TRAPPC11: variants seen among roughly 807,000 people sequenced by gnomAD.
TRAPPC11 encodes foie gras homolog.
Under a neutral mutation model 151.2 loss-of-function variants are expected in TRAPPC11, and 104 were observed. The ratio of observed to expected loss-of-function variants is 0.69; its 90% CI spans 0.59 to 0.81. TRAPPC11 has a LOEUF of 0.81. TRAPPC11 is among the 30% of genes least tolerant of loss of function. TRAPPC11 has a pLI of 0.00. For missense variants in TRAPPC11, 1,230 were observed against 1,349.6 expected (o/e 0.91, Z 1.39); for synonymous variants, 456 against 472.3 (o/e 0.97, Z 0.45).
rs554096853 is a variant in TRAPPC11 at position 183,701,646 on chromosome 4, CT to C, written c.2852-47del. ...TCTGTTACTTGGATGTGAAACTCTC[CT>C]TTTGTAGATGAAACCATTGCATAAG... On this transcript the variant is annotated intron_variant, in intron 25 of 29. Coordinates refer to ENST00000334690, the MANE Select transcript of TRAPPC11 (RefSeq NM_021942.6). 2.1e-4 allele frequency: 268 copies of C among 1,284,692 alleles called. No individual in the cohort carries two copies. In the African/African-American group the frequency reaches 2.2e-3, roughly 10 times the overall value. The allele number at this position is 1,284,692 out of a possible 1,614,324, so 79.6% of individuals were successfully genotyped here.
chr4:183,694,841 A>G lies in TRAPPC11; in HGVS notation c.2628+118A>G, dbSNP rs1399726480. On this transcript the variant is annotated intron_variant, in intron 23 of 29. Transcript: ENST00000334690. ...GCAGTTTAGGTGCTTATAGTCTGTT[A>G]TAAATTTTAATTAAACTTTTTAAAA... 5 of 1,012,882 alleles carry G rather than the reference A, an allele frequency of 4.9e-6. No homozygotes were observed. In the South Asian group the frequency reaches 5.3e-5, roughly 11 times the overall value. 62.7% of individuals were successfully genotyped at this position (1,012,882 alleles called of 1,614,324 possible). A position where few individuals can be genotyped will look rare whatever the true frequency, so the allele number is the denominator to read the frequency against.
chr4:183,709,665 C>T (rs1244784147), intron 29 of TRAPPC11, among the ~76,000 whole-genome samples: 1 of 152,100 alleles, frequency 6.6e-6, no homozygotes, highest in Non-Finnish European at 1.5e-5. Context: ...GTTCCAGCTA[C>T]TTGGGAGGCT....
chr4:183,711,832 T>C (rs1737354959), intron 29 of TRAPPC11, among the ~76,000 whole-genome samples: 1 of 152,262 alleles, frequency 6.6e-6, no homozygotes, highest in Non-Finnish European at 1.5e-5. Flanking sequence ...AGGTCTGCTA[T>C]TGTATATCTG....
chr4:183,706,516 CCG>C, intron 27 of TRAPPC11, among the ~76,000 whole-genome samples: 1 of 148,488 alleles, frequency 6.7e-6, no homozygotes, highest in South Asian at 2.1e-4. Flanking sequence ...GAGCGAGACT[CCG>C]CCTCAAAAAA....
chr4:183,705,338 C>T (rs1359744530), intron 27 of TRAPPC11, among the ~76,000 whole-genome samples: 1 of 152,100 alleles, frequency 6.6e-6, no homozygotes, highest in Non-Finnish European at 1.5e-5. Context: ...ATTACAGTAC[C>T]ATTATCACCT....
chr4:183,709,988 T>A (rs1237870471), intron 29 of TRAPPC11, among the ~76,000 whole-genome samples: 1 of 152,188 alleles, frequency 6.6e-6, no homozygotes. Context: ...TCCCTTTAGC[T>A]GTTAGACTTT....
chr4:183,670,878 C>G (rs187552560), intron 5 of TRAPPC11, among the ~76,000 whole-genome samples: 1 of 152,310 alleles, frequency 6.6e-6, no homozygotes, highest in African/African-American at 2.4e-5. Context: ...CTCTGCCCCC[C>G]AGATTCAAGT....
chr4:183,661,017 AC>A (rs1734479955), intron 1 of TRAPPC11, among the ~76,000 whole-genome samples: 1 of 151,886 alleles, frequency 6.6e-6, no homozygotes, highest in South Asian at 2.1e-4. Flanking sequence ...CAGCCTGGTC[AC>A]CCCTTTTTAA....
rs749093942 is a variant in TRAPPC11, at chr4:183,667,137, G to C, written c.445+7G>C. 5.6e-6 allele frequency: 9 copies of C among 1,599,240 alleles called. No homozygotes were observed. The highest frequency in any genetic ancestry group is 6.0e-6 in the Non-Finnish European group (7 of 1,169,728). On this transcript the variant is annotated splice_region_variant and intron_variant, in intron 4 of 29. Coordinates refer to ENST00000334690, the MANE Select transcript of TRAPPC11 (RefSeq NM_021942.6). Reference sequence around the variant, plus strand: ...AAAACCCCTTTGCCCCCAGGTATCAGAAGTCTAATTAATGAATTAATTGTT... The same window carrying C: ...AAAACCCCTTTGCCCCCAGGTATCACAAGTCTAATTAATGAATTAATTGTT...
At chr4:183,697,962 C>T (rs949414669) in intron 25 of TRAPPC11, 127 bp downstream of exon 25, 3 of 786,070 alleles carry the variant, frequency 3.8e-6, no homozygotes, top group East Asian at 2.7e-5. Context: ...GACCTGCACT[C>T]GTGAAAGCAA....
chr4:183,665,275 T>C (rs1331640939), intron 2 of TRAPPC11, among the ~76,000 whole-genome samples: 1 of 151,890 alleles, frequency 6.6e-6, no homozygotes, highest in Non-Finnish European at 1.5e-5. Flanking sequence ...TCTGTATTTT[T>C]AGTAGAGACG....
intron 23 of TRAPPC11, 116 bp from the exon 24 acceptor site, chr4:183,697,387 T>G: frequency 1.1e-6 from 1 of 944,796 alleles, no homozygotes; most frequent in South Asian, 1.6e-5. Flanking sequence ...AGGCCTTTAC[T>G]TCTTAGTATG....
chr4:183,710,064 C>T (rs1014990044), intron 29 of TRAPPC11, among the ~76,000 whole-genome samples: 5 of 152,118 alleles, frequency 3.3e-5, no homozygotes, highest in African/African-American at 1.2e-4. Flanking sequence ...TAGACTTGAT[C>T]ATATTCTAGC....
chr4:183,675,895 C>T (rs1354652687), intron 7 of TRAPPC11, among the ~76,000 whole-genome samples: 3 of 152,108 alleles, frequency 2.0e-5, no homozygotes, highest in African/African-American at 4.8e-5. Context: ...TTTGCTTTTA[C>T]GAAGCAGAAT....
intron 5 of TRAPPC11, among the ~76,000 whole-genome samples, chr4:183,669,762 C>G (rs1267289635): frequency 6.6e-6 from 1 of 152,124 alleles, no homozygotes; most frequent in Non-Finnish European, 1.5e-5. Context: ...ATTACCTGGC[C>G]GAAATGTCAG....
chr4:183,686,685 T>A lies in TRAPPC11; in HGVS notation c.1830T>A (p.Tyr610Ter). Residue 610 changes from tyrosine (Y) to a stop codon, truncating the protein, a stop_gained, in exon 18 of 30, where the codon TAT becomes TAA. Transcript: ENST00000334690. LOFTEE classifies it high-confidence loss of function. ...HVDVPVQFDI[Y>*]LKADCPHPIR... ...ATGTTCCTGTTCAGTTTGATATTTA[T>A]CTGAAGGCTGATTGTCCACATCCCA... is the stretch of plus-strand genomic sequence containing the variant. 6.2e-7 allele frequency: 1 copy of A among 1,614,166 alleles called. No individual in the cohort carries two copies. Among genetic ancestry groups the A allele is most frequent in the Non-Finnish European group, 8.5e-7 (1 of 1,179,998 alleles).
intron 3 of TRAPPC11, chr4:183,666,794 G>C: frequency 2.3e-6 from 1 of 437,654 alleles, no homozygotes; most frequent in Non-Finnish European, 4.1e-6. Context: ...GAAGTAAGTT[G>C]CATTATAACT....
intron 5 of TRAPPC11, among the ~76,000 whole-genome samples, chr4:183,671,418 A>G (rs1735151814): frequency 6.6e-6 from 1 of 152,188 alleles, no homozygotes; most frequent in African/African-American, 2.4e-5. Flanking sequence ...CTGGAGGAGA[A>G]AGGAAGAAAG....
chr4:183,664,078 G>T lies in TRAPPC11; in HGVS notation c.204+7G>T, dbSNP rs763756006. ...TCCCAAATGTAGACCCAAGGTAATG[G>T]CATTGTGATGGCATGTGTTCTTTCC... is the stretch of plus-strand genomic sequence containing the variant. On this transcript the variant is annotated splice_region_variant and intron_variant, in intron 2 of 29. Transcript: ENST00000334690. The T allele has an allele frequency of 2.5e-6, 4 of 1,604,478 alleles. No individual in the cohort carries two copies. The highest frequency in any genetic ancestry group is 3.4e-6 in the Non-Finnish European group (4 of 1,173,514).
Sources: allele counts gnomAD v4.1 joint callset (sites outside exome capture counted in the v4.1 genomes callset), GRCh38; gene constraint gnomAD v4.1.1; transcripts MANE v1.5; gene names NCBI Gene and HGNC (gene_info 2026-07-23, HGNC 2026-07-21).